The following SMS variants were observed in gnomAD, a reference collection of about 807,000 sequenced individuals.
SMS encodes spermidine aminopropyltransferase.
A neutral mutation model predicts 33.0 loss-of-function variants in SMS; 3 were observed. The ratio of observed to expected loss-of-function variants is 0.09; its 90% CI spans 0.04 to 0.23. The LOEUF (loss-of-function observed/expected upper bound fraction) is 0.23. SMS is among the 10% of genes least tolerant of loss of function. The pLI is 1.00. For synonymous variants in SMS, 103 were observed against 112.2 expected, an observed-to-expected ratio of 0.92 and a Z score of 0.52; for missense variants, 117 against 288.6, an observed-to-expected ratio of 0.41 and a Z score of 4.31.
intron 1 of SMS, among the ~76,000 whole-genome samples, chrX:21,959,674 G>A (rs1208306714): frequency 8.9e-6 from 1 of 112,659 alleles, no homozygotes; most frequent in Non-Finnish European, 1.9e-5. Context: ...AAATTGGATT[G>A]GAATCCAGTT....
chrX:21,949,580 T>G (rs754384470), intron 1 of SMS, among the ~76,000 whole-genome samples: 13 of 112,407 alleles, frequency 1.2e-4, no homozygotes, highest in African/African-American at 4.2e-4. Flanking sequence ...AAGATATCAA[T>G]TACTTGTGTT....
chrX:21,978,607 TAAAGAGC>T (rs1924697735), intron 6 of SMS, among the ~76,000 whole-genome samples: 1 of 111,766 alleles, frequency 8.9e-6, no homozygotes, highest in South Asian at 3.7e-4. Context: ...AGTTGAGGAT[TAAAGAGC>T]AAAGGACTTT....
intron 5 of SMS, 95 bp from the exon 6 acceptor site, chrX:21,977,865 C>A: frequency 1.1e-6 from 1 of 880,561 alleles, no homozygotes; most frequent in Non-Finnish European, 1.7e-6. Flanking sequence ...GAAAAATTTA[C>A]ATTTTGGTCT....
At chrX:21,968,225 G>A (rs757768708) in intron 2 of SMS, among the ~76,000 whole-genome samples, 5 of 112,881 alleles carry the variant, frequency 4.4e-5, no homozygotes, top group South Asian at 7.2e-4. Context: ...CTCAAGCAGC[G>A]CTTTGCCATC....
intron 4 of SMS, among the ~76,000 whole-genome samples, chrX:21,972,916 CAAA>C (rs981181175): frequency 1.2e-3 from 47 of 39,576 alleles, no homozygotes; most frequent in African/African-American, 3.7e-3. Context: ...GAGACTGTCT[CAAA>C]AAAAAAAAAA....
intron 9 of SMS, among the ~76,000 whole-genome samples, chrX:21,989,984 C>G (rs1925650190): frequency 9.0e-6 from 1 of 111,570 alleles, no homozygotes; most frequent in African/African-American, 3.3e-5. Context: ...CTGAAGTGAT[C>G]TGCCTGCCTC....
intron 1 of SMS, among the ~76,000 whole-genome samples, chrX:21,962,062 G>A (rs555876551): frequency 1.8e-5 from 2 of 112,247 alleles, no homozygotes; most frequent in African/African-American, 6.5e-5. Flanking sequence ...TTTCACCTGT[G>A]TATAGAGCAT....
At chrX:21,954,509 C>A (rs1039732534) in intron 1 of SMS, among the ~76,000 whole-genome samples, 1 of 112,173 alleles carries the variant, frequency 8.9e-6, no homozygotes, top group African/African-American at 3.2e-5. Context: ...TAGTGCACGG[C>A]CATCTCTGTG....
rs913602065 is a variant in SMS at position 21,974,204 on chromosome X, A to G, written c.329+1633A>G. 2.7e-5 allele frequency among the ~76,000 whole-genome samples: 3 copies of G among 112,722 alleles called. No individual in the cohort carries two copies. The East Asian group carries it at 8.3e-4, about 31-fold the overall frequency. Reference sequence around the variant, plus strand: ...TAAGTACTTAATTACTCAGCATGCTAAGTTTGATCAGCCCACAAGAAAGCT... The same window carrying G: ...TAAGTACTTAATTACTCAGCATGCTGAGTTTGATCAGCCCACAAGAAAGCT... On this transcript the variant is annotated intron_variant, in intron 4 of 10. Coordinates refer to ENST00000404933, the MANE Select transcript of SMS (RefSeq NM_004595.5).
intron 7 of SMS, among the ~76,000 whole-genome samples, chrX:21,982,499 T>G (rs985002230): frequency 3.6e-5 from 4 of 112,071 alleles, no homozygotes; most frequent in Non-Finnish European, 7.5e-5. Context: ...GCATTGCTGG[T>G]TGGCGTGTGA....
At chrX:21,965,428 G>A (rs751571486) in intron 1 of SMS, among the ~76,000 whole-genome samples, 46 of 110,402 alleles carry the variant, frequency 4.2e-4, no homozygotes, top group Middle Eastern at 4.7e-3. Context: ...CTTGAGCTCA[G>A]GAGTTTGAGA....
chrX:21,986,209 C>A (rs974400649), intron 9 of SMS, among the ~76,000 whole-genome samples: 2 of 108,422 alleles, frequency 1.8e-5, no homozygotes, highest in Non-Finnish European at 3.8e-5. Context: ...ATTAGCCAGG[C>A]ATGGTGGCAG....
At chrX:21,983,828 G>A (rs1218068838) in intron 7 of SMS, among the ~76,000 whole-genome samples, 1 of 111,255 alleles carries the variant, frequency 9.0e-6, no homozygotes, top group Non-Finnish European at 1.9e-5. Context: ...TTCAAGACCA[G>A]CCTGGGCAAC....
intron 4 of SMS, among the ~76,000 whole-genome samples, chrX:21,976,414 C>T (rs945711460): frequency 4.5e-5 from 5 of 110,857 alleles, no homozygotes; most frequent in South Asian, 3.8e-4. Context: ...CTTGTGTTCC[C>T]GATGTGATGC....
chrX:21,959,612 G>T (rs1213543987), intron 1 of SMS, among the ~76,000 whole-genome samples: 1 of 112,880 alleles, frequency 8.9e-6, no homozygotes, highest in Non-Finnish European at 1.9e-5. Context: ...ACCACCACTA[G>T]TATCAAGATT....
At chrX:21,943,670 C>T (rs1602176220) in intron 1 of SMS, among the ~76,000 whole-genome samples, 1 of 111,085 alleles carries the variant, frequency 9.0e-6, no homozygotes, top group South Asian at 3.8e-4. Flanking sequence ...ATGCATCTGT[C>T]AGACCTTGAG....
At chrX:21,964,664 C>T (rs986863910) in intron 1 of SMS, among the ~76,000 whole-genome samples, 1 of 111,805 alleles carries the variant, frequency 8.9e-6, no homozygotes, top group Non-Finnish European at 1.9e-5. Flanking sequence ...TAGGGTTACA[C>T]TCTGTCATCT....
intron 1 of SMS, among the ~76,000 whole-genome samples, chrX:21,947,531 C>G (rs758671318): frequency 5.3e-5 from 6 of 112,179 alleles, no homozygotes; most frequent in African/African-American, 1.9e-4. Flanking sequence ...CCCAACCAGT[C>G]AGCCTAGTCA....
At chrX:21,991,696 C>A (rs1160850851) in intron 9 of SMS, among the ~76,000 whole-genome samples, 1 of 112,433 alleles carries the variant, frequency 8.9e-6, no homozygotes, top group African/African-American at 3.2e-5. Context: ...CCTATGATAT[C>A]ATATGTACAT....
Sources: gnomAD v4.1 joint callset for allele counts (sites outside exome capture counted in the v4.1 genomes callset) on GRCh38, gnomAD v4.1.1 for gene constraint, MANE v1.5 for transcripts, NCBI Gene and HGNC (gene_info 2026-07-23, HGNC 2026-07-21) for gene names.